The following TBCE variants were observed in gnomAD, a reference collection of about 807,000 sequenced individuals.
The protein encoded by TBCE is tubulin folding cofactor E.
A neutral mutation model predicts 77.0 loss-of-function variants in TBCE; 53 were observed. The observed-to-expected ratio is 0.69, with a 90% CI of 0.55 to 0.87. The LOEUF (loss-of-function observed/expected upper bound fraction) is 0.87, where lower values mean the gene tolerates loss of function less well. TBCE is among the 40% of genes least tolerant of loss of function. The probability of loss-of-function intolerance (pLI) is 0.00; values close to 1 mark genes in which losing one functional copy is unlikely to be tolerated. For missense variants in TBCE, 624 were observed against 622.4 expected, an observed-to-expected ratio of 1.00 and a Z score of -0.03; for synonymous variants, 235 against 241.3, an observed-to-expected ratio of 0.97 and a Z score of 0.24.
intron 2 of TBCE, among the ~76,000 whole-genome samples, chr1:235,381,595 G>A (rs1487124213): frequency 7.0e-6 from 1 of 143,322 alleles, no homozygotes; most frequent in Non-Finnish European, 1.5e-5. Flanking sequence ...TGAGGCAGGA[G>A]AATGGCATGA....
rs367814812 is a variant in TBCE at position 235,437,449 on chromosome 1, A to T, written c.1091A>T (p.Gln364Leu). 11 of 1,614,094 alleles carry T rather than the reference A, an allele frequency of 6.8e-6. No homozygotes were observed. The highest frequency in any genetic ancestry group is 2.7e-5 in the African/African-American group (2 of 74,940). Residue 364 changes from glutamine (Q) to leucine (L), a missense_variant, in exon 12 of 17, where the codon CAG (glutamine) becomes CTG (leucine). By Grantham distance (113) the Gln-to-Leu change is moderately radical (BLOSUM62 -2). Transcript: ENST00000642610. ...CTACTCATTATCGCCAGCATTGGCC[A>T]GCTGAAGACGCTGAACAAATGTGAG... ...ARLLIIASIG[Q>L]LKTLNKCEIL...
In TBCE at chr1:235,450,391, A is replaced by G. The variant is rs750496934; in HGVS notation, c.*1629A>G. 1.9e-6 allele frequency: 3 copies of G among 1,584,814 alleles called. No homozygotes were observed. Among genetic ancestry groups the G allele is most frequent in the Non-Finnish European group, 2.6e-6 (3 of 1,155,838 alleles). On this transcript the variant is annotated 3_prime_UTR_variant, in exon 17 of 17. Coordinates refer to ENST00000642610, the MANE Select transcript of TBCE (RefSeq NM_003193.5). ...CTGAGAGTGGTGAAACTGTTTTAAG[A>G]GCATCAGAAAGTATGCACGTAGACA...
At chr1:235,438,315 A>AGG (rs1233564034) in intron 12 of TBCE, among the ~76,000 whole-genome samples, 2 of 152,194 alleles carry the variant, frequency 1.3e-5, no homozygotes, top group Non-Finnish European at 2.9e-5. Flanking sequence ...TGGGAGGCCG[A>AGG]GGTTGGCAGA....
intron 2 of TBCE, among the ~76,000 whole-genome samples, chr1:235,395,535 A>G (rs1243047570): frequency 3.8e-5 from 5 of 130,376 alleles, no homozygotes; most frequent in Non-Finnish European, 8.1e-5. Flanking sequence ...CCATCATTCT[A>G]CTTCTTCTTC....
At chr1:235,438,646 C>G (rs550556142) in intron 12 of TBCE, 123 bp from the exon 13 acceptor site, 1 of 1,133,388 alleles carries the variant, frequency 8.8e-7, no homozygotes, top group African/African-American at 1.5e-5. Context: ...AAAACTAGAT[C>G]TTGTCCCTCT....
At chr1:235,435,985 C>A in intron 9 of TBCE, 145 bp downstream of exon 9, 1 of 743,684 alleles carries the variant, frequency 1.3e-6, no homozygotes, top group Non-Finnish European at 2.3e-6. Flanking sequence ...GGGAAATTTT[C>A]ATTTGAATTC....
Position 235,449,589 on chromosome 1 carries a change from T to C in TBCE, c.*827T>C, listed in dbSNP as rs1682768609. On this transcript the variant is annotated 3_prime_UTR_variant, in exon 17 of 17. Coordinates refer to ENST00000642610, the MANE Select transcript of TBCE (RefSeq NM_003193.5). ...GTATTAGTCTACCATATAAATGAAC[T>C]TCTTTAAAACCAAGGTTCAGAACTG... is the stretch of plus-strand genomic sequence containing the variant. The C allele has an allele frequency of 6.6e-6, 1 of 152,426 alleles. No individual in the cohort carries two copies. The highest frequency in any genetic ancestry group is 1.5e-5 in the Non-Finnish European group (1 of 68,218). The allele number at this position is 152,426 out of a possible 1,614,324, so 9.4% of individuals were successfully genotyped here.
chr1:235,414,672 G>A (rs933858691), intron 4 of TBCE, 54 bp downstream of exon 4: 28 of 1,558,022 alleles, frequency 1.8e-5, no homozygotes, highest in Non-Finnish European at 2.5e-5. Context: ...TTAAGGTTCA[G>A]AATTGAAATA....
intron 6 of TBCE, among the ~76,000 whole-genome samples, chr1:235,428,728 C>T (rs965595859): frequency 1.3e-5 from 2 of 151,290 alleles, no homozygotes; most frequent in South Asian, 2.1e-4. Context: ...ACTGCAACCT[C>T]TGCCTCCCGG....
intron 3 of TBCE, 63 bp downstream of exon 3, chr1:235,401,650 G>A: frequency 7.4e-7 from 1 of 1,351,824 alleles, no homozygotes; most frequent in South Asian, 1.2e-5. Flanking sequence ...ACTTGAATAA[G>A]GAGGGATGGA....
Position 235,436,534 on chromosome 1 carries a change from CT to C in TBCE, c.899-5del. On this transcript the variant is annotated splice_polypyrimidine_tract_variant and intron_variant, in intron 10 of 16. Coordinates refer to ENST00000642610, the MANE Select transcript of TBCE (RefSeq NM_003193.5). ...ACTTCTACTGTGTAACTTCATTCCTCTTTTTATAGGGTGCAAAACGTCCATG... is the reference window on the plus strand; with the variant it reads ...ACTTCTACTGTGTAACTTCATTCCTCTTTTATAGGGTGCAAAACGTCCATG... 1 of 1,613,810 alleles carries C rather than the reference CT, an allele frequency of 6.2e-7. No individual in the cohort carries two copies. The highest frequency in any genetic ancestry group is 8.5e-7 in the Non-Finnish European group (1 of 1,179,764).
intron 5 of TBCE, among the ~76,000 whole-genome samples, chr1:235,425,718 C>G (rs191609088): frequency 2.0e-5 from 3 of 152,050 alleles, no homozygotes; most frequent in Admixed American, 2.0e-4. Flanking sequence ...CCCCTCTGCT[C>G]GAGTCACACA....
intron 3 of TBCE, 141 bp downstream of exon 3, chr1:235,401,728 AT>A (rs1679116777): frequency 4.2e-6 from 3 of 717,108 alleles, no homozygotes; most frequent in African/African-American, 1.8e-5. Flanking sequence ...AAAGGCAGTT[AT>A]TTTATTTGTG....
At chr1:235,377,018 C>A (rs560466646) in intron 1 of TBCE, among the ~76,000 whole-genome samples, 2 of 152,068 alleles carry the variant, frequency 1.3e-5, no homozygotes, top group African/African-American at 4.8e-5. Context: ...CAACTTTGGG[C>A]TCGGAGATTA....
intron 1 of TBCE, among the ~76,000 whole-genome samples, chr1:235,377,846 T>C (rs1264423110): frequency 6.6e-6 from 1 of 151,870 alleles, no homozygotes; most frequent in Non-Finnish European, 1.5e-5. Flanking sequence ...AGAGACGGGG[T>C]TTCACCATGG....
chr1:235,444,913 G>A (rs1682142884), intron 15 of TBCE, among the ~76,000 whole-genome samples: 1 of 152,226 alleles, frequency 6.6e-6, no homozygotes, highest in Admixed American at 6.5e-5. Flanking sequence ...CTGCCGTCTG[G>A]GCATATGCCT....
chr1:235,434,377 A>G (rs184857846), intron 8 of TBCE, 97 bp downstream of exon 8: 1 of 1,114,072 alleles, frequency 9.0e-7, no homozygotes, highest in African/African-American at 1.5e-5. Flanking sequence ...TTTTAGAAGG[A>G]TTTGCAAACA....
chr1:235,416,420 G>A (rs552648531), intron 4 of TBCE, among the ~76,000 whole-genome samples: 10 of 151,992 alleles, frequency 6.6e-5, no homozygotes, highest in Non-Finnish European at 1.2e-4. Context: ...CAACTATTTG[G>A]GAAGCTGAGG....
chr1:235,380,525 T>C (rs1394496246), intron 2 of TBCE, among the ~76,000 whole-genome samples: 5 of 152,296 alleles, frequency 3.3e-5, no homozygotes. Flanking sequence ...AGGTATCTAA[T>C]ATAGTTTAAA....
Sources: allele counts gnomAD v4.1 joint callset (sites outside exome capture counted in the v4.1 genomes callset), GRCh38; gene constraint gnomAD v4.1.1; transcripts MANE v1.5; gene names NCBI Gene and HGNC (gene_info 2026-07-23, HGNC 2026-07-21).